The following FAM162A variants were observed in gnomAD, a reference collection of about 807,000 sequenced individuals.
FAM162A encodes the protein family with sequence similarity 162 member A.
In FAM162A, 23 loss-of-function variants were observed where a neutral mutation model predicts 21.8. That is an observed-to-expected ratio of 1.05 (90% confidence interval 0.76 to 1.49). FAM162A has a LOEUF of 1.49. Ranked by LOEUF, FAM162A falls within the 40% of genes most tolerant of loss-of-function variation. The pLI is 0.00. For missense variants in FAM162A, 165 were observed against 186.4 expected (o/e 0.89, Z 0.67); for synonymous variants, 53 against 61.3 (o/e 0.86, Z 0.64).
At chr3:122,395,162 G>A (rs956896798) in intron 1 of FAM162A, among the ~76,000 whole-genome samples, 3 of 152,092 alleles carry the variant, frequency 2.0e-5, no homozygotes, top group Admixed American at 1.3e-4. Flanking sequence ...AACTAACATC[G>A]GACTTAATGG....
chr3:122,393,911 C>T (rs2075615597), intron 1 of FAM162A, among the ~76,000 whole-genome samples: 1 of 152,150 alleles, frequency 6.6e-6, no homozygotes, highest in East Asian at 1.9e-4. Context: ...AGGCCAGTCT[C>T]GCATTGCTAA....
At chr3:122,401,011 A>G (rs891437698) in intron 1 of FAM162A, among the ~76,000 whole-genome samples, 3 of 152,168 alleles carry the variant, frequency 2.0e-5, no homozygotes, top group African/African-American at 7.2e-5. Context: ...TATACTTAAG[A>G]TATTTCTATG....
At chr3:122,389,464 G>A (rs1161823599) in intron 1 of FAM162A, among the ~76,000 whole-genome samples, 2 of 149,972 alleles carry the variant, frequency 1.3e-5, no homozygotes, top group Non-Finnish European at 3.0e-5. Flanking sequence ...ACTTAAAGGG[G>A]TTCATACCCT....
At chr3:122,384,437 TTAG>T (rs1333451205) in intron 1 of FAM162A, 138 bp downstream of exon 1, 5 of 1,065,500 alleles carry the variant, frequency 4.7e-6, no homozygotes, top group Admixed American at 4.1e-5. Context: ...TCCTACCTAC[TTAG>T]TAGCCATGTG....
At chr3:122,398,542 A>G (rs993896488) in intron 1 of FAM162A, among the ~76,000 whole-genome samples, 3 of 152,248 alleles carry the variant, frequency 2.0e-5, no homozygotes, top group Non-Finnish European at 2.9e-5. Context: ...ATGTTGGGCA[A>G]CACCATGGGG....
intron 1 of FAM162A, among the ~76,000 whole-genome samples, chr3:122,397,826 G>A (rs1192813097): frequency 1.3e-5 from 2 of 152,044 alleles, no homozygotes; most frequent in Non-Finnish European, 2.9e-5. Flanking sequence ...CACTGAAAAG[G>A]CAAAAACAGT....
intron 1 of FAM162A, among the ~76,000 whole-genome samples, chr3:122,394,373 T>G (rs1345190336): frequency 6.6e-6 from 1 of 152,170 alleles, no homozygotes; most frequent in Non-Finnish European, 1.5e-5. Context: ...TGCCCCAACA[T>G]GCACACACAG....
At chr3:122,402,330 G>A (rs1349408264) in intron 1 of FAM162A, among the ~76,000 whole-genome samples, 2 of 152,024 alleles carry the variant, frequency 1.3e-5, no homozygotes, top group Non-Finnish European at 2.9e-5. Flanking sequence ...GCTTTCTAGA[G>A]TCACTTGCTG....
chr3:122,407,683 A>AC, intron 4 of FAM162A: 1 of 448,142 alleles, frequency 2.2e-6, no homozygotes. Context: ...ATTAAGAAAT[A>AC]GGACACTGGC....
chr3:122,384,491 C>T (rs1468706764), intron 1 of FAM162A, among the ~76,000 whole-genome samples, 192 bp downstream of exon 1: 1 of 152,106 alleles, frequency 6.6e-6, no homozygotes, highest in African/African-American at 2.4e-5. Flanking sequence ...GCATTGGAGA[C>T]TGCCCGTGAA....
chr3:122,409,265 A>G (rs937093173), intron 4 of FAM162A, among the ~76,000 whole-genome samples: 1 of 152,214 alleles, frequency 6.6e-6, no homozygotes, highest in Non-Finnish European at 1.5e-5. Context: ...GTATTTGGGT[A>G]AAGTCTGGGA....
intron 1 of FAM162A, among the ~76,000 whole-genome samples, chr3:122,396,149 A>G (rs1428109418): frequency 6.6e-6 from 1 of 152,176 alleles, no homozygotes; most frequent in Non-Finnish European, 1.5e-5. Context: ...CTCAAGCAAT[A>G]AAAGAAAAGA....
chr3:122,399,815 C>G (rs2075644942), intron 1 of FAM162A, among the ~76,000 whole-genome samples: 1 of 152,060 alleles, frequency 6.6e-6, no homozygotes, highest in Non-Finnish European at 1.5e-5. Context: ...TTTTTAATAG[C>G]CATTCTGGCC....
intron 4 of FAM162A, among the ~76,000 whole-genome samples, chr3:122,409,030 C>T (rs1481154244): frequency 1.3e-5 from 2 of 151,678 alleles, no homozygotes; most frequent in African/African-American, 2.4e-5. Context: ...CCACCCCCCG[C>T]CACATACCCA....
intron 2 of FAM162A, 52 bp from the exon 3 acceptor site, chr3:122,404,206 T>G: frequency 2.5e-6 from 2 of 804,100 alleles, no homozygotes; most frequent in South Asian, 2.3e-5. Context: ...TTGTTAAATT[T>G]GAGAGTTATA....
At chr3:122,394,407 C>T (rs1576248639) in intron 1 of FAM162A, among the ~76,000 whole-genome samples, 1 of 152,188 alleles carries the variant, frequency 6.6e-6, no homozygotes, top group Non-Finnish European at 1.5e-5. Context: ...ACTTAATAAA[C>T]TTAAAGGCAT....
At chr3:122,395,536 A>G (rs1204037280) in intron 1 of FAM162A, among the ~76,000 whole-genome samples, 3 of 152,176 alleles carry the variant, frequency 2.0e-5, no homozygotes, top group Non-Finnish European at 2.9e-5. Flanking sequence ...GAAATTAAAG[A>G]AGACCCAAAT....
chr3:122,402,160 A>T (rs550356583), intron 1 of FAM162A, among the ~76,000 whole-genome samples: 12 of 151,994 alleles, frequency 7.9e-5, no homozygotes, highest in African/African-American at 2.9e-4. Context: ...AAAATGGGTG[A>T]TGAGTATATA....
chr3:122,407,638 A>G lies in FAM162A; in HGVS notation c.372+249A>G, dbSNP rs1468859985. 1.4e-5 allele frequency: 7 copies of G among 494,030 alleles called. No individual in the cohort carries two copies. The East Asian group carries it at 1.5e-4, about 10-fold the overall frequency. The allele number at this position is 494,030 out of a possible 1,614,324, so 30.6% of individuals were successfully genotyped here. A position where few individuals can be genotyped will look rare whatever the true frequency, so the allele number is the denominator to read the frequency against. Reference sequence around the variant, plus strand: ...GATTCATTTTGTGTAATGTAAATTTAAAAAGTGTTTCTGATGACAGGTGTC... The same window carrying G: ...GATTCATTTTGTGTAATGTAAATTTGAAAAGTGTTTCTGATGACAGGTGTC... On this transcript the variant is annotated intron_variant, in intron 4 of 4. Transcript: ENST00000477892.
Sources: allele counts gnomAD v4.1 joint callset (sites outside exome capture counted in the v4.1 genomes callset), GRCh38; gene constraint gnomAD v4.1.1; transcripts MANE v1.5; gene names NCBI Gene and HGNC (gene_info 2026-07-23, HGNC 2026-07-21).